Variants in GRIK4 observed in about 807,000 individuals in gnomAD.
GRIK4 encodes glutamate ionotropic receptor kainate type subunit 4.
In GRIK4, 40 loss-of-function variants were observed where a neutral mutation model predicts 104.9. The observed-to-expected ratio is 0.38, with a 90% confidence interval of 0.30 to 0.50. GRIK4 has a LOEUF of 0.50. Among genes scored for constraint, GRIK4 ranks in the 20% least tolerant of loss-of-function variants. GRIK4 has a pLI of 0.93. For synonymous variants in GRIK4, 485 were observed against 524.9 expected (o/e 0.92, Z 1.04); for missense variants, 1,047 against 1,308.1 (o/e 0.80, Z 3.08).
intron 4 of GRIK4, among the ~76,000 whole-genome samples, chr11:120,809,892 C>T (rs569478593): frequency 1.8e-4 from 27 of 152,100 alleles, no homozygotes; most frequent in African/African-American, 5.8e-4. Context: ...GTAGTGGGGC[C>T]CCATCTCTAC....
At chr11:120,515,577 T>C (rs1947715743) in intron 1 of GRIK4, among the ~76,000 whole-genome samples, 1 of 152,236 alleles carries the variant, frequency 6.6e-6, no homozygotes, top group Non-Finnish European at 1.5e-5. Context: ...GGTAATCGTC[T>C]GTCCGTTTGT....
chr11:120,792,548 G>T (rs552771859), intron 3 of GRIK4, among the ~76,000 whole-genome samples: 2 of 152,202 alleles, frequency 1.3e-5, no homozygotes, highest in East Asian at 3.9e-4. Context: ...TTAAGTCGTT[G>T]AGATGAAAGG....
In GRIK4 at chr11:120,960,934, T is replaced by C; in HGVS notation, c.1900T>C (p.Ser634Pro). 6.2e-7 allele frequency: 1 copy of C among 1,613,840 alleles called. No individual in the cohort carries two copies. The highest frequency in any genetic ancestry group is 1.1e-5 in the South Asian group (1 of 90,986). The change falls in exon 17 of 21, where the codon TCA becomes CCA. Residue 634 changes from serine (S) to proline (P), a missense_variant. Ser to Pro is a moderately conservative substitution (Grantham distance 74). This residue lies in a region of GRIK4 where 440 missense variants were observed against 652.3 expected (regional missense o/e 0.67). Coordinates refer to ENST00000527524, the MANE Select transcript of GRIK4 (RefSeq NM_014619.5). ...GTGGGCATTCACGCTGATCATCATC[T>C]CATCCTACACGGCCAACCTGGCAGC... Reference protein sequence around the residue: ...VWWAFTLIIISSYTANLAAFL... With the variant: ...VWWAFTLIIIPSYTANLAAFL...
chr11:120,979,878 G>A (rs564712871), intron 19 of GRIK4, among the ~76,000 whole-genome samples: 1 of 152,320 alleles, frequency 6.6e-6, no homozygotes, highest in East Asian at 1.9e-4. Flanking sequence ...TGTTGCCCAG[G>A]CTGGAGTGCT....
At chr11:120,702,475 T>C (rs1950568785) in intron 3 of GRIK4, among the ~76,000 whole-genome samples, 1 of 152,102 alleles carries the variant, frequency 6.6e-6, no homozygotes, top group Non-Finnish European at 1.5e-5. Flanking sequence ...AATTTGGGAG[T>C]AATCAATATA....
chr11:120,940,994 G>A lies in GRIK4; in HGVS notation c.1590+534G>A, dbSNP rs576696464. On this transcript the variant is annotated intron_variant, in intron 14 of 20. Coordinates refer to ENST00000527524, the MANE Select transcript of GRIK4 (RefSeq NM_014619.5). This position sits in a 1 kb window ranked among gnomAD's most constrained non-coding sequence, Gnocchi z 4.3. ...AAGACTCCTCTGGCTAGGTAGGCCA[G>A]GGTGAGTGTCACAGTGAGTTTGTGA... Among the ~76,000 whole-genome samples, 1 of 152,344 alleles carries A rather than the reference G, an allele frequency of 6.6e-6. No homozygotes were observed. Among genetic ancestry groups the A allele is most frequent in the South Asian group, 2.1e-4 (1 of 4,826 alleles).
At chr11:120,601,009 C>G (rs1389180511) in intron 1 of GRIK4, among the ~76,000 whole-genome samples, 1 of 152,160 alleles carries the variant, frequency 6.6e-6, no homozygotes, top group Admixed American at 6.5e-5. Context: ...TGAGCCGGAT[C>G]GTGCCACTGC....
At chr11:120,957,581 GACAAA>G (rs925647310) in intron 16 of GRIK4, among the ~76,000 whole-genome samples, 4 of 149,166 alleles carry the variant, frequency 2.7e-5, no homozygotes, top group South Asian at 4.3e-4. Context: ...GCAAAGGAAA[GACAAA>G]ACAAATGTGT....
intron 13 of GRIK4, among the ~76,000 whole-genome samples, chr11:120,911,848 A>C (rs1156358935): frequency 6.6e-6 from 1 of 151,026 alleles, no homozygotes; most frequent in Non-Finnish European, 1.5e-5. Flanking sequence ...CATCTCAAAA[A>C]AAAAAAAAAA....
intron 13 of GRIK4, among the ~76,000 whole-genome samples, chr11:120,932,068 ACCT>A (rs1943492867): frequency 6.6e-6 from 1 of 151,410 alleles, no homozygotes; most frequent in Non-Finnish European, 1.5e-5. Context: ...ACTCCTGTGG[ACCT>A]TCCAGGCTCT....
At chr11:120,528,259 C>T (rs1416627819) in intron 1 of GRIK4, among the ~76,000 whole-genome samples, 1 of 151,990 alleles carries the variant, frequency 6.6e-6, no homozygotes, top group African/African-American at 2.4e-5. Context: ...CTACAGGTGC[C>T]CGCCACCACG....
chr11:120,897,242 A>G (rs991566171), intron 11 of GRIK4, among the ~76,000 whole-genome samples: 21 of 152,310 alleles, frequency 1.4e-4, no homozygotes, highest in African/African-American at 5.1e-4. Flanking sequence ...ACTTACCAGA[A>G]TGAAGAACTG....
chr11:120,702,206 G>A (rs903485044), intron 3 of GRIK4, among the ~76,000 whole-genome samples: 12 of 152,078 alleles, frequency 7.9e-5, no homozygotes, highest in South Asian at 4.2e-4. Context: ...CGCAGGCCTC[G>A]GCCTCCCAAA....
At position 120,560,357 on chromosome 11, in the gene GRIK4, G is replaced by A. The variant is rs553344119; in HGVS notation, c.-159+48470G>A. The stretch of plus-strand genomic sequence containing the variant: ...GTGAGCCACTGTGCCTGGCCTCCAA[G>A]CAGATTTTAAGGTCATGATAGACAG... On this transcript the variant is annotated intron_variant, in intron 1 of 20. Coordinates refer to ENST00000527524, the MANE Select transcript of GRIK4 (RefSeq NM_014619.5). Among the ~76,000 whole-genome samples the A allele has an allele frequency of 5.9e-4, 90 of 151,994 alleles. 1 individual carries two copies. The highest frequency in any genetic ancestry group is 1.1e-3 in the Non-Finnish European group (74 of 68,008).
At chr11:120,540,309 A>C (rs1948020047) in intron 1 of GRIK4, among the ~76,000 whole-genome samples, 1 of 152,116 alleles carries the variant, frequency 6.6e-6, no homozygotes, top group Non-Finnish European at 1.5e-5. Context: ...CTTCCTTAGG[A>C]TCCTCATGGG....
At chr11:120,635,910 G>A (rs1949391247) in intron 1 of GRIK4, among the ~76,000 whole-genome samples, 1 of 152,216 alleles carries the variant, frequency 6.6e-6, no homozygotes, top group Non-Finnish European at 1.5e-5. Flanking sequence ...ACAGTTACTA[G>A]TTGCTCCTCT....
chr11:120,677,268 G>A (rs1280294492), intron 3 of GRIK4, among the ~76,000 whole-genome samples: 3 of 152,194 alleles, frequency 2.0e-5, no homozygotes, highest in Non-Finnish European at 4.4e-5. Context: ...CTGAGCCTGT[G>A]TTGTGTGGGC....
intron 3 of GRIK4, among the ~76,000 whole-genome samples, chr11:120,800,825 C>T (rs141423626): frequency 2.0e-5 from 3 of 152,340 alleles, no homozygotes; most frequent in South Asian, 2.1e-4. Flanking sequence ...TCTGCGTCCG[C>T]GCAGACATTC....
chr11:120,598,553 C>T (rs1948837954), intron 1 of GRIK4, among the ~76,000 whole-genome samples: 1 of 152,200 alleles, frequency 6.6e-6, no homozygotes, highest in African/African-American at 2.4e-5. Flanking sequence ...CTTAGTGGCT[C>T]AAGACAATGA....
Sources: allele counts gnomAD v4.1 joint callset (sites outside exome capture counted in the v4.1 genomes callset), GRCh38; gene constraint gnomAD v4.1.1; regional missense constraint gnomAD v4.1.1; non-coding constraint Gnocchi (gnomAD v3.1); transcripts MANE v1.5; gene names NCBI Gene and HGNC (gene_info 2026-07-23, HGNC 2026-07-21).